FAM91A1: variants seen among roughly 807,000 people sequenced by gnomAD.
FAM91A1 encodes the protein family with sequence similarity 91 member A1.
Under a neutral mutation model 113.5 loss-of-function variants are expected in FAM91A1, and 41 were observed. That is an observed-to-expected ratio of 0.36 (90% confidence interval 0.28 to 0.47). FAM91A1 has a LOEUF of 0.47. Ranked by LOEUF, FAM91A1 falls within the 20% of genes least tolerant of loss-of-function variation. FAM91A1 has a pLI of 1.00. For missense variants in FAM91A1, 696 were observed against 1,001.2 expected, an observed-to-expected ratio of 0.70 and a Z score of 4.11; for synonymous variants, 307 against 347.9, an observed-to-expected ratio of 0.88 and a Z score of 1.31.
At chr8:123,789,539 C>T in intron 14 of FAM91A1, 74 bp from the exon 15 acceptor site, 6 of 1,590,768 alleles carry the variant, frequency 3.8e-6, no homozygotes, top group Non-Finnish European at 5.1e-6. Context: ...TCTTATATCT[C>T]TATTATATGA....
In FAM91A1 at chr8:123,806,085, A is replaced by G. The variant is rs1410312539; in HGVS notation, c.1888A>G (p.Thr630Ala). The stretch of plus-strand genomic sequence containing the variant: ...GATGTCCGTTCTGTTTGTAGAGTTC[A>G]CTCGTGTCAATATGGGTGTTCATAA... Reference protein sequence around the residue: ...FDETELQGEFTRVNMGVHKAL... With the variant: ...FDETELQGEFARVNMGVHKAL... Residue 630 changes from threonine to alanine, a missense_variant, in exon 20 of 24, where the codon ACT becomes GCT. Transcript: ENST00000334705. The G allele has an allele frequency of 6.3e-7, 1 of 1,588,452 alleles. No homozygotes were observed. Among genetic ancestry groups the G allele is most frequent in the Non-Finnish European group, 8.6e-7 (1 of 1,164,610 alleles).
chr8:123,779,828 A>G (rs528022436), intron 6 of FAM91A1, among the ~76,000 whole-genome samples, 157 bp from the exon 7 acceptor site: 8 of 152,248 alleles, frequency 5.3e-5, no homozygotes, highest in African/African-American at 1.9e-4. Flanking sequence ...ATTGATGGCT[A>G]TGTGCACAGT....
chr8:123,806,013 A>G (rs902419370), intron 19 of FAM91A1, 67 bp from the exon 20 acceptor site: 122 of 1,388,354 alleles, frequency 8.8e-5, no homozygotes, highest in Middle Eastern at 2.7e-4. Flanking sequence ...TTAATAAAGT[A>G]TGTTTAAGCT....
Position 123,808,944 on chromosome 8 carries a change from C to T in FAM91A1, c.2189C>T (p.Pro730Leu). 1 of 1,612,710 alleles carries T rather than the reference C, an allele frequency of 6.2e-7. No homozygotes were observed. Among genetic ancestry groups the T allele is most frequent in the East Asian group, 2.2e-5 (1 of 44,844 alleles). The change falls in exon 22 of 24, where the codon CCA becomes CTA. Residue 730 changes from proline (P) to leucine (L), a missense_variant. Transcript: ENST00000334705. ...WVPLELCFGI[P>L]LFSSELNRKV... ...CCTCTCGAGCTGTGCTTTGGAATTC[C>T]ACTGTTCAGTTCCGAATTAAACCGG...
At chr8:123,775,011 C>G in intron 2 of FAM91A1, 136 bp from the exon 3 acceptor site, 1 of 849,772 alleles carries the variant, frequency 1.2e-6, no homozygotes, top group Non-Finnish European at 1.7e-6. Context: ...TTTGTTCCAA[C>G]TTAGAATATT....
At chr8:123,772,279 C>T (rs1586365600) in intron 1 of FAM91A1, among the ~76,000 whole-genome samples, 2 of 152,280 alleles carry the variant, frequency 1.3e-5, no homozygotes, top group South Asian at 4.1e-4. Context: ...AACAGAAGAG[C>T]AAAACCTCAA....
intron 16 of FAM91A1, 45 bp downstream of exon 16, chr8:123,798,283 C>T: frequency 1.3e-6 from 2 of 1,587,186 alleles, no homozygotes; most frequent in Non-Finnish European, 1.7e-6. Flanking sequence ...TCATGAGTCC[C>T]ATCAGTTTTG....
chr8:123,789,660 A>G lies in FAM91A1; in HGVS notation c.1326A>G (p.Ala442=), dbSNP rs1303514391. ...AAGCACAGAGATATTTTGATCATGC[A>G]CTTACTCTGAGAAACACAATACTGT... ...EGEAQRYFDH[A]LTLRNTILFL... The change falls in exon 15 of 24, where the codon GCA becomes GCG. Residue 442 remains alanine (A), a synonymous_variant. Coordinates refer to ENST00000334705, the MANE Select transcript of FAM91A1 (RefSeq NM_144963.4). The G allele has an allele frequency of 3.7e-6, 6 of 1,612,258 alleles. No homozygotes were observed. In the African/African-American group the frequency reaches 5.3e-5, roughly 14 times the overall value.
intron 15 of FAM91A1, among the ~76,000 whole-genome samples, chr8:123,793,121 C>G (rs1815427289): frequency 6.6e-6 from 1 of 152,190 alleles, no homozygotes; most frequent in South Asian, 2.1e-4. Flanking sequence ...ATACCTCACC[C>G]TGTCATCCTA....
intron 15 of FAM91A1, among the ~76,000 whole-genome samples, chr8:123,790,158 G>A (rs565658918): frequency 6.6e-6 from 1 of 152,164 alleles, no homozygotes; most frequent in African/African-American, 2.4e-5. Context: ...AAATGCTACT[G>A]CAATACTTAC....
chr8:123,773,739 A>G (rs552357020), intron 1 of FAM91A1, among the ~76,000 whole-genome samples: 57 of 152,338 alleles, frequency 3.7e-4, no homozygotes, highest in African/African-American at 1.3e-3. Context: ...ACCACTTAAT[A>G]TAGCAGTCAG....
chr8:123,785,036 GT>G (rs1554601273), intron 9 of FAM91A1, 44 bp from the exon 10 acceptor site: 1 of 1,455,582 alleles, frequency 6.9e-7, no homozygotes, highest in Non-Finnish European at 9.4e-7. Flanking sequence ...GTAATGTGCT[GT>G]TAATTCTAAG....
chr8:123,801,812 T>C (rs1275551582), intron 18 of FAM91A1, among the ~76,000 whole-genome samples: 1 of 152,068 alleles, frequency 6.6e-6, no homozygotes, highest in Non-Finnish European at 1.5e-5. Flanking sequence ...TTTTTTTTTT[T>C]TCTTTTTTCT....
At chr8:123,780,617 A>G (rs1451147155) in intron 8 of FAM91A1, 75 bp downstream of exon 8, 2 of 1,186,716 alleles carry the variant, frequency 1.7e-6, no homozygotes, top group Non-Finnish European at 2.4e-6. Flanking sequence ...CATCCGTTCT[A>G]GGATCTTAGA....
intron 13 of FAM91A1, 103 bp downstream of exon 13, chr8:123,787,476 C>A (rs376221052): frequency 1.9e-6 from 2 of 1,052,226 alleles, no homozygotes; most frequent in Non-Finnish European, 2.8e-6. Context: ...CATTTATTCC[C>A]GAAGCACAAC....
At chr8:123,789,872 T>A (rs541348084) in intron 15 of FAM91A1, 127 bp downstream of exon 15, 14 of 1,097,012 alleles carry the variant, frequency 1.3e-5, no homozygotes, top group African/African-American at 8.0e-5. Context: ...ATTGAATTTA[T>A]AACTAGAGGC....
At chr8:123,772,177 A>G (rs1814862671) in intron 1 of FAM91A1, among the ~76,000 whole-genome samples, 1 of 152,210 alleles carries the variant, frequency 6.6e-6, no homozygotes, top group Non-Finnish European at 1.5e-5. Flanking sequence ...TCACTCGTGT[A>G]TTGATTGATA....
At chr8:123,777,101 G>A (rs1307084946) in intron 3 of FAM91A1, among the ~76,000 whole-genome samples, 164 bp from the exon 4 acceptor site, 2 of 152,218 alleles carry the variant, frequency 1.3e-5, no homozygotes, top group Non-Finnish European at 1.5e-5. Context: ...GGGAACATGT[G>A]TGGAAAGTGC....
chr8:123,769,741 A>G lies in FAM91A1; in HGVS notation c.72+967A>G, dbSNP rs557061178. On this transcript the variant is annotated intron_variant, in intron 1 of 23. Coordinates refer to ENST00000334705, the MANE Select transcript of FAM91A1 (RefSeq NM_144963.4). ...GACGTAAACAAATAAATGAATAAATACGTAACATAGCAGATGGTTTTAAGT... is the reference window on the plus strand; with the variant it reads ...GACGTAAACAAATAAATGAATAAATGCGTAACATAGCAGATGGTTTTAAGT... Among the ~76,000 whole-genome samples the G allele has an allele frequency of 2.0e-5, 3 of 152,316 alleles. No homozygotes were observed. The South Asian group carries it at 6.2e-4, about 32-fold the overall frequency.
Sources: gnomAD v4.1 joint callset for allele counts (sites outside exome capture counted in the v4.1 genomes callset) on GRCh38, gnomAD v4.1.1 for gene constraint, MANE v1.5 for transcripts, NCBI Gene and HGNC (gene_info 2026-07-23, HGNC 2026-07-21) for gene names.